The following ARHGAP10 variants were observed in gnomAD, a reference collection of about 807,000 sequenced individuals.
ARHGAP10 encodes the protein rho GTPase-activating protein 10.
ARHGAP10 carries 87 observed loss-of-function variants against 108.6 expected under a neutral mutation model. The ratio of observed to expected loss-of-function variants is 0.80; its 90% CI spans 0.67 to 0.96. ARHGAP10 has a LOEUF of 0.96. ARHGAP10 is among the 40% of genes least tolerant of loss of function. The pLI, the probability that ARHGAP10 is intolerant of heterozygous loss-of-function variation, is 0.00. For missense variants in ARHGAP10, 939 were observed against 954.5 expected, an observed-to-expected ratio of 0.98 and a Z score of 0.21; for synonymous variants, 347 against 341.1, an observed-to-expected ratio of 1.02 and a Z score of -0.19.
At chr4:147,968,303 G>C (rs1739279456) in intron 18 of ARHGAP10, among the ~76,000 whole-genome samples, 1 of 152,208 alleles carries the variant, frequency 6.6e-6, no homozygotes. Flanking sequence ...TAAGAAAAAT[G>C]CTGCTGACTC....
At chr4:147,793,326 T>A (rs1731197152) in intron 1 of ARHGAP10, among the ~76,000 whole-genome samples, 1 of 150,018 alleles carries the variant, frequency 6.7e-6, no homozygotes, top group African/African-American at 2.5e-5. Context: ...ATATATTTTT[T>A]TTTTTTTACA....
chr4:147,881,892 A>G lies in ARHGAP10; in HGVS notation c.994A>G (p.Ile332Val), dbSNP rs748161616. The G allele has an allele frequency of 1.2e-6, 2 of 1,614,162 alleles. No individual in the cohort carries two copies. Among genetic ancestry groups the G allele is most frequent in the Non-Finnish European group, 1.7e-6 (2 of 1,180,008 alleles). The change falls in exon 10 of 23, where the codon ATT (isoleucine) becomes GTT (valine). Residue 332 changes from isoleucine (I) to valine (V), a missense_variant. Transcript: ENST00000336498. ...KECTKRHTDSIDRRFCFDIEA... is the reference protein window; with the variant it reads ...KECTKRHTDSVDRRFCFDIEA... Reference sequence around the variant, plus strand: ...ATGTACCAAGAGGCATACTGACTCCATTGACAGAAGGTTTTGTTTTGACAT... The same window carrying G: ...ATGTACCAAGAGGCATACTGACTCCGTTGACAGAAGGTTTTGTTTTGACAT...
chr4:147,877,517 G>A (rs72957750), intron 8 of ARHGAP10, among the ~76,000 whole-genome samples: 3,388 of 152,100 alleles, frequency 0.022, 86 homozygotes, highest in African/African-American at 0.063. Flanking sequence ...TAGAAACTTT[G>A]TTTGTTTGTA....
intron 10 of ARHGAP10, among the ~76,000 whole-genome samples, chr4:147,896,880 C>T (rs913001201): frequency 5.3e-5 from 8 of 151,990 alleles, no homozygotes; most frequent in African/African-American, 1.9e-4. Flanking sequence ...TTAAAAATTC[C>T]AAATGGCTGG....
chr4:147,869,409 G>T (rs1210478463), intron 7 of ARHGAP10, among the ~76,000 whole-genome samples: 1 of 152,108 alleles, frequency 6.6e-6, no homozygotes, highest in African/African-American at 2.4e-5. Context: ...TAAATATTTA[G>T]ATGGGAATGA....
chr4:147,901,134 T>C (rs1736218780), intron 10 of ARHGAP10, among the ~76,000 whole-genome samples: 1 of 152,260 alleles, frequency 6.6e-6, no homozygotes. Context: ...ATGTGTCCAA[T>C]GTTTCTCAAA....
chr4:147,977,002 T>G (rs1408319862), intron 18 of ARHGAP10, among the ~76,000 whole-genome samples: 1 of 152,170 alleles, frequency 6.6e-6, no homozygotes, highest in Non-Finnish European at 1.5e-5. Flanking sequence ...AATGAGAACA[T>G]GTTCATGTTA....
intron 13 of ARHGAP10, among the ~76,000 whole-genome samples, chr4:147,922,269 T>A (rs1021639715): frequency 6.6e-6 from 1 of 152,108 alleles, no homozygotes; most frequent in African/African-American, 2.4e-5. Context: ...GCACTCAGAT[T>A]ACTCTGCTGA....
intron 18 of ARHGAP10, among the ~76,000 whole-genome samples, 161 bp downstream of exon 18, chr4:147,967,000 T>C (rs970367518): frequency 6.6e-6 from 1 of 152,244 alleles, no homozygotes; most frequent in Non-Finnish European, 1.5e-5. Context: ...TGAGCTTCTG[T>C]CTTCTGATGG....
intron 1 of ARHGAP10, among the ~76,000 whole-genome samples, chr4:147,801,882 T>C (rs570045071): frequency 6.6e-6 from 1 of 152,220 alleles, no homozygotes; most frequent in Non-Finnish European, 1.5e-5. Context: ...TTGTTTGTAA[T>C]GTTTTTTGAA....
intron 16 of ARHGAP10, among the ~76,000 whole-genome samples, chr4:147,961,385 A>T (rs1738988781): frequency 6.6e-6 from 1 of 151,504 alleles, no homozygotes; most frequent in South Asian, 2.1e-4. Context: ...TGTCTGTTGG[A>T]TTGTCTCTTT....
chr4:147,928,519 C>G (rs981614942), intron 13 of ARHGAP10, among the ~76,000 whole-genome samples: 1 of 152,190 alleles, frequency 6.6e-6, no homozygotes, highest in African/African-American at 2.4e-5. Flanking sequence ...AGAAGGCGAA[C>G]ATGCCAGTGA....
At chr4:147,839,087 CTATCG>C (rs1409843826) in intron 3 of ARHGAP10, among the ~76,000 whole-genome samples, 47 of 148,170 alleles carry the variant, frequency 3.2e-4, no homozygotes, top group Non-Finnish European at 6.0e-4. Context: ...ATGTTTAGAT[CTATCG>C]TATCTATCTA....
chr4:147,827,988 T>C (rs1027731846), intron 3 of ARHGAP10, among the ~76,000 whole-genome samples: 11 of 152,116 alleles, frequency 7.2e-5, no homozygotes, highest in African/African-American at 2.7e-4. Flanking sequence ...GTATTTTTAG[T>C]AGAGATGGGG....
rs774769252 is a variant in ARHGAP10, at chr4:148,023,420, T to C, written c.1867+7T>C. 17 of 1,609,816 alleles carry C rather than the reference T, an allele frequency of 1.1e-5. No individual in the cohort carries two copies. The highest frequency in any genetic ancestry group is 4.0e-5 in the African/African-American group (3 of 74,846). On this transcript the variant is annotated splice_region_variant and intron_variant, in intron 19 of 22. Coordinates refer to ENST00000336498, the MANE Select transcript of ARHGAP10 (RefSeq NM_024605.4). The stretch of plus-strand genomic sequence containing the variant: ...TGTCTGGAGCTGGAAGATGGTAAGA[T>C]GTTAATGATATTTTTTGCTTGATAG...
intron 18 of ARHGAP10, among the ~76,000 whole-genome samples, chr4:148,015,596 C>T (rs1342059298): frequency 6.6e-6 from 1 of 152,208 alleles, no homozygotes; most frequent in Non-Finnish European, 1.5e-5. Context: ...CTCATTTAGT[C>T]ATGGTGATTC....
chr4:147,855,682 GTTTTTT>G (rs566406361), intron 4 of ARHGAP10, among the ~76,000 whole-genome samples: 7 of 124,780 alleles, frequency 5.6e-5, no homozygotes, highest in African/African-American at 1.8e-4. Flanking sequence ...TTGTCAGATG[GTTTTTT>G]TTTTTTTTTT....
At chr4:147,921,285 G>A (rs1203821784) in intron 13 of ARHGAP10, among the ~76,000 whole-genome samples, 6 of 152,166 alleles carry the variant, frequency 3.9e-5, no homozygotes, top group African/African-American at 1.4e-4. Context: ...AAATTGAGAG[G>A]TCCATGATCT....
chr4:147,865,321 C>G (rs1444970204), intron 6 of ARHGAP10: 1 of 160,472 alleles, frequency 6.2e-6, no homozygotes, highest in Non-Finnish European at 1.4e-5. Flanking sequence ...AACTTTGGTA[C>G]TTTAAACAAT....
Sources: gnomAD v4.1 joint callset for allele counts (sites outside exome capture counted in the v4.1 genomes callset) on GRCh38, gnomAD v4.1.1 for gene constraint, MANE v1.5 for transcripts, NCBI Gene and HGNC (gene_info 2026-07-23, HGNC 2026-07-21) for gene names.